The following ARSJ variants were observed in gnomAD, a reference collection of about 807,000 sequenced individuals.
ARSJ encodes arylsulfatase family member J, also known as arylsulfatase J.
In ARSJ, 26 loss-of-function variants were observed where a neutral mutation model predicts 35.9. The ratio of observed to expected loss-of-function variants is 0.72; its 90% CI spans 0.53 to 1.00. The LOEUF is 1.00. Ranked by LOEUF, ARSJ falls within the 50% of genes least tolerant of loss-of-function variation. The probability of loss-of-function intolerance (pLI) is 0.00; values close to 1 mark genes in which losing one functional copy is unlikely to be tolerated. For synonymous variants in ARSJ, 294 were observed against 267.6 expected (o/e 1.10, Z -0.96); for missense variants, 667 against 723.6 (o/e 0.92, Z 0.90).
intron 1 of ARSJ, among the ~76,000 whole-genome samples, chr4:113,915,241 AG>A (rs1723222056): frequency 6.6e-6 from 1 of 152,136 alleles, no homozygotes; most frequent in African/African-American, 2.4e-5. Context: ...TCCAATGGTA[AG>A]GGTTATTGGC....
chr4:113,947,383 G>A (rs1480880761), intron 1 of ARSJ, among the ~76,000 whole-genome samples: 1 of 152,016 alleles, frequency 6.6e-6, no homozygotes, highest in Non-Finnish European at 1.5e-5. Context: ...GGGAGGTTGA[G>A]GCACGAGAAT....
intron 1 of ARSJ, among the ~76,000 whole-genome samples, chr4:113,967,804 C>T (rs555884591): frequency 3.8e-4 from 58 of 152,182 alleles, no homozygotes; most frequent in African/African-American, 1.3e-3. Flanking sequence ...CAAAACATTC[C>T]TCTTAAATTT....
At chr4:113,909,926 A>C (rs2099669935) in intron 1 of ARSJ, among the ~76,000 whole-genome samples, 1 of 152,202 alleles carries the variant, frequency 6.6e-6, no homozygotes. Context: ...CATAGGGAAG[A>C]TTCCACAAAC....
intron 1 of ARSJ, 95 bp downstream of exon 1, chr4:113,978,342 C>T: frequency 8.4e-7 from 1 of 1,189,044 alleles, no homozygotes; most frequent in African/African-American, 1.5e-5. Flanking sequence ...AGTTGTTCCC[C>T]ATACTTTCTG....
intron 1 of ARSJ, among the ~76,000 whole-genome samples, chr4:113,908,969 A>C (rs575413379): frequency 6.6e-6 from 1 of 152,172 alleles, no homozygotes; most frequent in African/African-American, 2.4e-5. Context: ...ATCTCTTCTA[A>C]TTGTTTAGAA....
chr4:113,902,503 G>A lies in ARSJ; in HGVS notation c.1571C>T (p.Ser524Leu). ...GIVKKLLRRL[S>L]QFNKTAVPVR... ...CGGCACTGCAGTTTTGTTGAACTGT[G>A]AGAGCCTCCGTAGGAGCTTCTTCAC... is the stretch of plus-strand genomic sequence containing the variant. Residue 524 changes from serine to leucine, a missense_variant, in exon 2 of 2, where the codon TCA becomes TTA. Ser to Leu is a moderately radical substitution (Grantham distance 145). Transcript: ENST00000315366. 1 of 1,614,150 alleles carries A rather than the reference G, an allele frequency of 6.2e-7. No homozygotes were observed. The highest frequency in any genetic ancestry group is 8.5e-7 in the Non-Finnish European group (1 of 1,180,024).
intron 1 of ARSJ, among the ~76,000 whole-genome samples, chr4:113,915,257 T>C (rs1723224961): frequency 6.6e-6 from 1 of 152,194 alleles, no homozygotes; most frequent in South Asian, 2.1e-4. Flanking sequence ...ATTGGCTCTG[T>C]CTCTAATACA....
At chr4:113,967,703 T>C (rs551164778) in intron 1 of ARSJ, among the ~76,000 whole-genome samples, 3 of 152,288 alleles carry the variant, frequency 2.0e-5, no homozygotes, top group African/African-American at 7.2e-5. Context: ...TTGCTACCAA[T>C]CTAAATATCT....
At chr4:113,957,298 A>G (rs568581572) in intron 1 of ARSJ, among the ~76,000 whole-genome samples, 2 of 152,162 alleles carry the variant, frequency 1.3e-5, no homozygotes, top group East Asian at 1.9e-4. Context: ...AAATATCTCT[A>G]TTAGCATCCT....
intron 1 of ARSJ, among the ~76,000 whole-genome samples, chr4:113,968,866 A>G (rs945428989): frequency 6.6e-6 from 1 of 152,232 alleles, no homozygotes; most frequent in African/African-American, 2.4e-5. Flanking sequence ...TGTAAGCAAT[A>G]TAATCATTTA....
intron 1 of ARSJ, among the ~76,000 whole-genome samples, chr4:113,919,949 A>T (rs59569298): frequency 0.62 from 92,712 of 150,490 alleles, 29,526 homozygotes; most frequent in Middle Eastern, 0.74. Context: ...TTTATTAAAG[A>T]TTTTTTTTTT....
chr4:113,978,602 A>C lies in ARSJ; in HGVS notation c.233T>G (p.Leu78Arg). The change falls in exon 1 of 2, where the codon CTC becomes CGC. Residue 78 changes from leucine (L) to arginine (R), a missense_variant. Physicochemically the swap from Leu to Arg is moderately radical, Grantham distance 102. Transcript: ENST00000315366. ...PSTTSTSQPH[L>R]IFILADDQGF... ...CTGATCATCCGCTAGGATGAAAATG[A>C]GATGGGGCTGGGAGGTGGAAGTTGT... 6.2e-7 allele frequency: 1 copy of C among 1,614,224 alleles called. No homozygotes were observed. The highest frequency in any genetic ancestry group is 8.5e-7 in the Non-Finnish European group (1 of 1,180,032).
At chr4:113,965,101 C>T (rs1428047088) in intron 1 of ARSJ, among the ~76,000 whole-genome samples, 2 of 152,080 alleles carry the variant, frequency 1.3e-5, no homozygotes, top group African/African-American at 2.4e-5. Flanking sequence ...TTAAGTTCTT[C>T]ATTTCATCTC....
At chr4:113,944,543 G>A (rs1444393249) in intron 1 of ARSJ, among the ~76,000 whole-genome samples, 1 of 151,932 alleles carries the variant, frequency 6.6e-6, no homozygotes, top group Admixed American at 6.6e-5. Context: ...ACATATTGTC[G>A]AAGATCTAGA....
chr4:113,929,378 G>A (rs1385462146), intron 1 of ARSJ, among the ~76,000 whole-genome samples: 1 of 152,120 alleles, frequency 6.6e-6, no homozygotes, highest in African/African-American at 2.4e-5. Context: ...GCCTCAGGCA[G>A]CACAGGGTTT....
chr4:113,937,671 G>T (rs147417177), intron 1 of ARSJ, among the ~76,000 whole-genome samples: 11 of 152,210 alleles, frequency 7.2e-5, no homozygotes, highest in African/African-American at 2.6e-4. Context: ...TACTTAAGCT[G>T]ATAAGTAACT....
chr4:113,961,982 C>G (rs910917661), intron 1 of ARSJ, among the ~76,000 whole-genome samples: 1 of 151,238 alleles, frequency 6.6e-6, no homozygotes, highest in Non-Finnish European at 1.5e-5. Context: ...TCTGAAGTAG[C>G]AACATTTTCA....
intron 1 of ARSJ, among the ~76,000 whole-genome samples, chr4:113,968,371 GAAGT>G (rs1009669827): frequency 1.3e-5 from 2 of 152,176 alleles, no homozygotes; most frequent in African/African-American, 2.4e-5. Context: ...TAAGAGGAAA[GAAGT>G]AAGTAAGTAT....
intron 1 of ARSJ, among the ~76,000 whole-genome samples, chr4:113,976,241 G>C (rs1727583879): frequency 6.6e-6 from 1 of 152,128 alleles, no homozygotes; most frequent in Admixed American, 6.5e-5. Context: ...GAAGATATTT[G>C]AATCATGTCA....
Sources: allele counts gnomAD v4.1 joint callset (sites outside exome capture counted in the v4.1 genomes callset), GRCh38; gene constraint gnomAD v4.1.1; transcripts MANE v1.5; gene names NCBI Gene and HGNC (gene_info 2026-07-23, HGNC 2026-07-21).